PCDHGA8: variants seen among roughly 807,000 people sequenced by gnomAD.
The protein encoded by PCDHGA8 is protocadherin gamma subfamily A, 8.
A neutral mutation model predicts 59.2 loss-of-function variants in PCDHGA8; 45 were observed. That is an observed-to-expected ratio of 0.76 (90% CI 0.60 to 0.98). PCDHGA8 has a LOEUF of 0.98. PCDHGA8 is among the 50% of genes least tolerant of loss of function. PCDHGA8 has a pLI of 0.00. For synonymous variants in PCDHGA8, 531 were observed against 519.0 expected (o/e 1.02, Z -0.32); for missense variants, 1,257 against 1,196.2 (o/e 1.05, Z -0.75).
Position 141,512,147 on chromosome 5 carries a change from GGCTGA to G in PCDHGA8, c.*978_*982del, listed in dbSNP as rs1406468661. The G allele has an allele frequency of 1.3e-5, 2 of 152,652 alleles. No homozygotes were observed. Among genetic ancestry groups the G allele is most frequent in the Admixed American group, 6.5e-5 (1 of 15,286 alleles). The allele number at this position is 152,652 out of a possible 1,614,324, so 9.5% of individuals were successfully genotyped here. A position where few individuals can be genotyped will look rare whatever the true frequency, so the allele number is the denominator to read the frequency against. On this transcript the variant is annotated 3_prime_UTR_variant, in exon 4 of 4. Coordinates refer to ENST00000398604, the MANE Select transcript of PCDHGA8 (RefSeq NM_032088.2). ...GGCTCAGCCCAGGCAGCCAGCTTTG[GGCTGA>G]GCTAACAGGACCAATGGATTAAACT... is the stretch of plus-strand genomic sequence containing the variant.
intron 2 of PCDHGA8, among the ~76,000 whole-genome samples, chr5:141,501,136 G>A (rs909142955): frequency 6.6e-6 from 1 of 152,090 alleles, no homozygotes; most frequent in Non-Finnish European, 1.5e-5. Context: ...CTAAGTGCTG[G>A]GATTACAGGT....
intron 1 of PCDHGA8, chr5:141,478,819 C>G (rs927315523): frequency 2.1e-6 from 3 of 1,447,842 alleles, no homozygotes; most frequent in Non-Finnish European, 2.7e-6. Context: ...CACAACTAAC[C>G]AATCTTGCTA....
In PCDHGA8 at chr5:141,490,594, C is replaced by A. The variant is rs1276468877; in HGVS notation, c.2425-4213C>A. The A allele has an allele frequency of 2.5e-6, 4 of 1,614,056 alleles. No individual in the cohort carries two copies. The highest frequency in any genetic ancestry group is 1.6e-4 in the Middle Eastern group (1 of 6,084). On this transcript the variant is annotated intron_variant, in intron 1 of 3. Transcript: ENST00000398604. The surrounding 1 kb of genome is among the most constrained non-coding windows in gnomAD (Gnocchi z 5.4). ...CATTTCAGATGTCAATGACAATGCA[C>A]CCCGCTTCAACCAGCAGCTTTACAC...
chr5:141,434,650 C>A (rs931043426), intron 1 of PCDHGA8, among the ~76,000 whole-genome samples: 6 of 152,092 alleles, frequency 3.9e-5, no homozygotes, highest in Non-Finnish European at 5.9e-5. Context: ...TTTAGTTAAT[C>A]TAATATCTAT....
intron 1 of PCDHGA8, among the ~76,000 whole-genome samples, chr5:141,462,035 C>G (rs35674654): frequency 2.0e-5 from 3 of 152,076 alleles, no homozygotes; most frequent in Non-Finnish European, 4.4e-5. Context: ...GTTGGTCAGG[C>G]GGGTCTTGAA....
rs1431547996 is a variant in PCDHGA8 at position 141,394,043 on chromosome 5, G to C, written c.1230G>C (p.Leu410Phe). The change falls in exon 1 of 4, where the codon TTG becomes TTC. Residue 410 changes from leucine to phenylalanine, a missense_variant. Coordinates refer to ENST00000398604, the MANE Select transcript of PCDHGA8 (RefSeq NM_032088.2). The stretch of plus-strand genomic sequence containing the variant: ...ATAGATTAGTGACAAGGAAATATTT[G>C]GACCGAGAAAATGTCTCTATCTACA... ...NYYRLVTRKY[L>F]DRENVSIYNI... 1 of 1,613,576 alleles carries C rather than the reference G, an allele frequency of 6.2e-7. No individual in the cohort carries two copies. Among genetic ancestry groups the C allele is most frequent in the South Asian group, 1.1e-5 (1 of 91,014 alleles).
intron 1 of PCDHGA8, chr5:141,413,569 G>A: frequency 1.2e-6 from 2 of 1,613,846 alleles, no homozygotes; most frequent in Non-Finnish European, 1.7e-6. Context: ...TGATATCAAT[G>A]ACAATGCTCC....
Position 141,394,016 on chromosome 5 carries a change from T to C in PCDHGA8, c.1203T>C (p.Tyr401=). The C allele has an allele frequency of 6.2e-7, 1 of 1,613,452 alleles. No homozygotes were observed. The highest frequency in any genetic ancestry group is 8.5e-7 in the Non-Finnish European group (1 of 1,179,592). The change falls in exon 1 of 4, where the codon TAT becomes TAC. Residue 401 remains tyrosine (Y), a synonymous_variant. Transcript: ENST00000398604. Reference sequence around the variant, plus strand: ...AATTAGAAAAGTCAATAGGTAATTATTATAGATTAGTGACAAGGAAATATT... The same window carrying C: ...AATTAGAAAAGTCAATAGGTAATTACTATAGATTAGTGACAAGGAAATATT... ...PFKLEKSIGN[Y]YRLVTRKYLD...
At chr5:141,422,723 G>T in intron 1 of PCDHGA8, 1 of 1,605,958 alleles carries the variant, frequency 6.2e-7, no homozygotes, top group South Asian at 1.1e-5. Flanking sequence ...ACTGTCCAGG[G>T]GGTGCCTCTG....
rs1205353926 is a variant in PCDHGA8 at position 141,477,969 on chromosome 5, T to A, written c.2425-16838T>A. 6.2e-7 allele frequency: 1 copy of A among 1,613,962 alleles called. No homozygotes were observed. Among genetic ancestry groups the A allele is most frequent in the Non-Finnish European group, 8.5e-7 (1 of 1,180,032 alleles). ...CTCTTGGGATCCCCTAACCAGAGCC[T>A]TTTTGCCATAGGGCTGCACACTGGT... On this transcript the variant is annotated intron_variant, in intron 1 of 3. Coordinates refer to ENST00000398604, the MANE Select transcript of PCDHGA8 (RefSeq NM_032088.2). The surrounding 1 kb of genome is among the most constrained non-coding windows in gnomAD (Gnocchi z 4.9).
rs1379023118 is a variant in PCDHGA8, at chr5:141,487,609, G to A, written c.2425-7198G>A. ...GCCCACCCTCTGATCTTCTCTATGG[G>A]CTAGAGGTGAGACCTTTGCAGGCTC... On this transcript the variant is annotated intron_variant, in intron 1 of 3. Transcript: ENST00000398604. The surrounding 1 kb of genome is among the most constrained non-coding windows in gnomAD (Gnocchi z 5.0). 1 of 1,614,202 alleles carries A rather than the reference G, an allele frequency of 6.2e-7. No individual in the cohort carries two copies. The highest frequency in any genetic ancestry group is 1.1e-5 in the South Asian group (1 of 91,084).
rs1226194073 is a variant in PCDHGA8, at chr5:141,490,496, A to G, written c.2425-4311A>G. The G allele has an allele frequency of 6.2e-7, 1 of 1,614,096 alleles. No individual in the cohort carries two copies. Among genetic ancestry groups the G allele is most frequent in the East Asian group, 2.2e-5 (1 of 44,894 alleles). On this transcript the variant is annotated intron_variant, in intron 1 of 3. Coordinates refer to ENST00000398604, the MANE Select transcript of PCDHGA8 (RefSeq NM_032088.2). The surrounding 1 kb of genome is among the most constrained non-coding windows in gnomAD (Gnocchi z 5.4). ...CCTTTGGACCGGGAGGCCACATCCCACTATATCATCGAGCTGCTGGCCAGC... is the reference window on the plus strand; with the variant it reads ...CCTTTGGACCGGGAGGCCACATCCCGCTATATCATCGAGCTGCTGGCCAGC...
At chr5:141,484,966 G>A in intron 1 of PCDHGA8, 1 of 583,968 alleles carries the variant, frequency 1.7e-6, no homozygotes. Context: ...GAGCCCGGGA[G>A]CCGCTGTCTG....
At chr5:141,460,047 C>T (rs2098981053) in intron 1 of PCDHGA8, among the ~76,000 whole-genome samples, 1 of 152,102 alleles carries the variant, frequency 6.6e-6, no homozygotes. Context: ...CACTGCACTC[C>T]AGCCTGGGCA....
At chr5:141,425,021 CT>C (rs1561817318) in intron 1 of PCDHGA8, among the ~76,000 whole-genome samples, 1 of 152,054 alleles carries the variant, frequency 6.6e-6, no homozygotes, top group Non-Finnish European at 1.5e-5. Context: ...AGGAATTTAC[CT>C]TATGTCATTA....
In PCDHGA8 at chr5:141,491,681, C is replaced by A; in HGVS notation, c.2425-3126C>A. The A allele has an allele frequency of 6.2e-7, 1 of 1,613,458 alleles. No individual in the cohort carries two copies. Among genetic ancestry groups the A allele is most frequent in the Non-Finnish European group, 8.5e-7 (1 of 1,179,804 alleles). ...GACGCCATCCGGTCCCGCTCTAATA[C>A]GCTGCGGGAGCGGAGCCAGGTGAGG... On this transcript the variant is annotated intron_variant, in intron 1 of 3. Coordinates refer to ENST00000398604, the MANE Select transcript of PCDHGA8 (RefSeq NM_032088.2). This position sits in a 1 kb window ranked among gnomAD's most constrained non-coding sequence, Gnocchi z 6.9.
rs368792885 is a variant in PCDHGA8, at chr5:141,394,552, G to T, written c.1739G>T (p.Arg580Leu). 2.5e-6 allele frequency: 4 copies of T among 1,614,070 alleles called. No homozygotes were observed. Among genetic ancestry groups the T allele is most frequent in the East Asian group, 4.5e-5 (2 of 44,850 alleles). Residue 580 changes from arginine (R) to leucine (L), a missense_variant, in exon 1 of 4, where the codon CGC becomes CTC. Arg to Leu is a moderately radical substitution (Grantham distance 102, BLOSUM62 -2). Coordinates refer to ENST00000398604, the MANE Select transcript of PCDHGA8 (RefSeq NM_032088.2). ...DGSTGVELAP[R>L]SAERGYLVTK... ...TCCACTGGCGTGGAGCTGGCGCCCC[G>T]CTCCGCAGAGCGTGGCTACCTGGTG... is the stretch of plus-strand genomic sequence containing the variant.
In PCDHGA8 at chr5:141,403,434, A is replaced by C. The variant is rs774605332; in HGVS notation, c.2424+8197A>C. On this transcript the variant is annotated intron_variant, in intron 1 of 3. Transcript: ENST00000398604. ...CCACTTCCAGAAGCTATTGATCCGGATGTTGGCGTGAACTCCCTCCAGAGC... is the reference window on the plus strand; with the variant it reads ...CCACTTCCAGAAGCTATTGATCCGGCTGTTGGCGTGAACTCCCTCCAGAGC... The C allele has an allele frequency of 1.9e-6, 3 of 1,614,024 alleles. No individual in the cohort carries two copies. In the South Asian group the frequency reaches 3.3e-5, roughly 18 times the overall value.
intron 1 of PCDHGA8, chr5:141,421,731 C>G (rs73792198): frequency 6.2e-7 from 1 of 1,613,742 alleles, no homozygotes; most frequent in Non-Finnish European, 8.5e-7. Flanking sequence ...TGAACTCCCT[C>G]CAGAGCTACC....
Sources: allele counts gnomAD v4.1 joint callset (sites outside exome capture counted in the v4.1 genomes callset), GRCh38; gene constraint gnomAD v4.1.1; non-coding constraint Gnocchi (gnomAD v3.1); transcripts MANE v1.5; gene names NCBI Gene and HGNC (gene_info 2026-07-23, HGNC 2026-07-21).